Variants in MAP3K19 observed in about 807,000 individuals in gnomAD.
The protein encoded by MAP3K19 is mitogen-activated protein kinase kinase kinase 19.
MAP3K19 carries 91 observed loss-of-function variants against 114.4 expected under a neutral mutation model. That is an observed-to-expected ratio of 0.80 (90% CI 0.67 to 0.95). MAP3K19 has a LOEUF of 0.95. MAP3K19 is among the 40% of genes least tolerant of loss of function. MAP3K19 has a pLI of 0.00. For missense variants in MAP3K19, 1,471 were observed against 1,573.2 expected (o/e 0.94, Z 1.10); for synonymous variants, 518 against 530.5 (o/e 0.98, Z 0.32).
chr2:135,023,353 C>T (rs1688110210), intron 4 of MAP3K19: 3 of 471,074 alleles, frequency 6.4e-6, no homozygotes, highest in Admixed American at 4.7e-5. Context: ...TGCACCTCCT[C>T]GGCTCAGCCC....
chr2:135,026,401 TGAA>T (rs2104778389), intron 3 of MAP3K19, among the ~76,000 whole-genome samples: 1 of 152,322 alleles, frequency 6.6e-6, no homozygotes, highest in East Asian at 1.9e-4. Flanking sequence ...AACACTAGGC[TGAA>T]GTAGCTTCAA....
chr2:135,034,217 G>A (rs1574055272), intron 2 of MAP3K19, among the ~76,000 whole-genome samples: 1 of 119,434 alleles, frequency 8.4e-6, no homozygotes, highest in African/African-American at 4.2e-5. Flanking sequence ...GATGGTGGCC[G>A]GGAAGAGGTG....
In MAP3K19 at chr2:135,024,709, G is replaced by C; in HGVS notation, c.-62C>G. The C allele has an allele frequency of 2.8e-6, 4 of 1,421,910 alleles. No individual in the cohort carries two copies. The highest frequency in any genetic ancestry group is 4.0e-6 in the Non-Finnish European group (4 of 1,012,576). The allele number at this position is 1,421,910 out of a possible 1,614,324, so 88.1% of individuals were successfully genotyped here. A position where few individuals can be genotyped will look rare whatever the true frequency, so the allele number is the denominator to read the frequency against. On this transcript the variant is annotated 5_prime_UTR_variant, in exon 4 of 13. It adds an upstream start codon to the 5' untranslated region. Transcript: ENST00000392915. Reference sequence around the variant, plus strand: ...TATTTGTGACACATAATGTATTGCTGATTTTCCACTAAAATCACAAAGTTT... The same window carrying C: ...TATTTGTGACACATAATGTATTGCTCATTTTCCACTAAAATCACAAAGTTT...
chr2:134,983,677 G>A lies in MAP3K19; in HGVS notation c.3221C>T (p.Thr1074Ile), dbSNP rs1684873696. The A allele has an allele frequency of 6.4e-7, 1 of 1,555,492 alleles. No individual in the cohort carries two copies. The highest frequency in any genetic ancestry group is 8.6e-7 in the Non-Finnish European group (1 of 1,156,588). ...GEILGKGAYG[T>I]VYCGLTSQGQ... ...TTTCAAGTTTCCAGTTTAACTTACT[G>A]TGCCGTAGGCTCCCTTTCCAAGAAT... The change falls in exon 11 of 13, where the codon ACA becomes ATA. Residue 1074 changes from threonine to isoleucine, a missense_variant and splice_region_variant. Thr to Ile is a moderately conservative substitution (Grantham distance 89). Coordinates refer to ENST00000392915, the MANE Select transcript of MAP3K19 (RefSeq NM_025052.5).
intron 12 of MAP3K19, among the ~76,000 whole-genome samples, chr2:134,967,359 G>A (rs565111857): frequency 6.6e-6 from 1 of 152,334 alleles, no homozygotes; most frequent in East Asian, 1.9e-4. Context: ...TCTGGCTGAG[G>A]TGGATTAGTC....
intron 8 of MAP3K19, among the ~76,000 whole-genome samples, chr2:134,992,045 A>G (rs1292029440): frequency 6.6e-6 from 1 of 152,166 alleles, no homozygotes; most frequent in Non-Finnish European, 1.5e-5. Context: ...AGAGCACTTT[A>G]CTATGAATTG....
chr2:134,974,497 C>A (rs934048045), intron 12 of MAP3K19, among the ~76,000 whole-genome samples: 1 of 152,144 alleles, frequency 6.6e-6, no homozygotes, highest in African/African-American at 2.4e-5. Context: ...TAGGTTGTAT[C>A]TATTTGTGGA....
At chr2:134,969,922 A>G (rs886678918) in intron 12 of MAP3K19, among the ~76,000 whole-genome samples, 2 of 152,174 alleles carry the variant, frequency 1.3e-5, no homozygotes, top group African/African-American at 4.8e-5. Context: ...GTTGGTTTAC[A>G]TATGGGGACT....
chr2:135,020,843 T>C (rs1378556050), intron 5 of MAP3K19, among the ~76,000 whole-genome samples: 1 of 152,184 alleles, frequency 6.6e-6, no homozygotes, highest in Non-Finnish European at 1.5e-5. Context: ...CCACCATGAT[T>C]GTAAGTTTCC....
In MAP3K19 at chr2:134,987,882, C is replaced by G. The variant is rs144042857; in HGVS notation, c.990G>C (p.Leu330Phe). The change falls in exon 10 of 13, where the codon TTG becomes TTC. Residue 330 changes from leucine to phenylalanine, a missense_variant. Physicochemically the swap from Leu to Phe is conservative, Grantham distance 22. Coordinates refer to ENST00000392915, the MANE Select transcript of MAP3K19 (RefSeq NM_025052.5). ...EITHFEKGQS[L>F]VSFENLKEGN... ...CTTCCTTCAAATTCTCAAAAGACAC[C>G]AAAGACTGCCCTTTTTCAAAGTGAG... 1 of 1,613,620 alleles carries G rather than the reference C, an allele frequency of 6.2e-7. No individual in the cohort carries two copies.
Position 134,985,796 on chromosome 2 carries a change from C to A in MAP3K19, c.3072+4G>T. The A allele has an allele frequency of 6.3e-7, 1 of 1,589,730 alleles. No individual in the cohort carries two copies. The highest frequency in any genetic ancestry group is 2.2e-5 in the East Asian group (1 of 44,678). The stretch of plus-strand genomic sequence containing the variant: ...AATGAATCTTGGATTCTAATTATAC[C>A]AACCTGTATTTTGACTTTTGTTGTC... On this transcript the variant is annotated splice_donor_region_variant and intron_variant, in intron 10 of 12. Transcript: ENST00000392915.
intron 1 of MAP3K19, among the ~76,000 whole-genome samples, chr2:135,044,837 T>C (rs968800924): frequency 6.6e-6 from 1 of 152,228 alleles, no homozygotes; most frequent in African/African-American, 2.4e-5. Context: ...TCAATAAGTG[T>C]ATATCCTTAT....
At position 135,024,724 on chromosome 2, in the gene MAP3K19, T is replaced by A; in HGVS notation, c.-77A>T. The A allele has an allele frequency of 7.7e-7, 1 of 1,307,034 alleles. No homozygotes were observed. The highest frequency in any genetic ancestry group is 1.2e-5 in the South Asian group (1 of 81,742). 81.0% of individuals were successfully genotyped at this position (1,307,034 alleles called of 1,614,324 possible). ...ATGTATTGCTGATTTTCCACTAAAA[T>A]CACAAAGTTTAGGATCTCTAGGAAG... On this transcript the variant is annotated 5_prime_UTR_variant, in exon 4 of 13. Transcript: ENST00000392915.
chr2:134,986,411 C>T lies in MAP3K19; in HGVS notation c.2461G>A (p.Asp821Asn). ...ATTTGATTGTTAGAAATGTCTCTAT[C>T]ACCAGTAGACTCTTCCATAGAAACT... Reference protein sequence around the residue: ...EEVSMEESTGDRDISNNQILT... With the variant: ...EEVSMEESTGNRDISNNQILT... Residue 821 changes from aspartate (D) to asparagine (N), a missense_variant, in exon 10 of 13, where the codon GAT becomes AAT. Coordinates refer to ENST00000392915, the MANE Select transcript of MAP3K19 (RefSeq NM_025052.5). 6.2e-7 allele frequency: 1 copy of T among 1,613,896 alleles called. No homozygotes were observed.
intron 8 of MAP3K19, among the ~76,000 whole-genome samples, chr2:134,993,513 A>ATCTTTGC (rs1014646774): frequency 6.6e-6 from 1 of 152,204 alleles, no homozygotes; most frequent in Non-Finnish European, 1.5e-5. Context: ...GGAAAGACAG[A>ATCTTTGC]TCTTTGCTCT....
intron 2 of MAP3K19, among the ~76,000 whole-genome samples, chr2:135,036,155 C>T (rs934803626): frequency 1.3e-5 from 2 of 152,104 alleles, no homozygotes; most frequent in Admixed American, 6.6e-5. Context: ...TTTTTCCTAA[C>T]CAAGGCCTTT....
At chr2:135,004,818 G>C (rs1397814768) in intron 6 of MAP3K19, among the ~76,000 whole-genome samples, 1 of 152,144 alleles carries the variant, frequency 6.6e-6, no homozygotes, top group African/African-American at 2.4e-5. Context: ...GGACTTTCAG[G>C]TCTCGTACAC....
At chr2:134,965,996 C>G (rs1174757941) in intron 12 of MAP3K19, among the ~76,000 whole-genome samples, 1 of 151,750 alleles carries the variant, frequency 6.6e-6, no homozygotes, top group Non-Finnish European at 1.5e-5. Context: ...TCTTGCTGGG[C>G]CTGGCTTATT....
At chr2:135,045,720 A>G (rs1188207246) in intron 1 of MAP3K19, among the ~76,000 whole-genome samples, 1 of 152,218 alleles carries the variant, frequency 6.6e-6, no homozygotes, top group East Asian at 1.9e-4. Flanking sequence ...AAATAAAACA[A>G]AAAAATTTAG....
Sources: gnomAD v4.1 joint callset for allele counts (sites outside exome capture counted in the v4.1 genomes callset) on GRCh38, gnomAD v4.1.1 for gene constraint, MANE v1.5 for transcripts, NCBI Gene and HGNC (gene_info 2026-07-23, HGNC 2026-07-21) for gene names.